Variants in UBE2L3 observed in about 807,000 individuals in gnomAD.
The protein encoded by UBE2L3 is ubiquitin conjugating enzyme E2 L3, also known as ubiquitin-conjugating enzyme E2 L3.
In UBE2L3, 1 loss-of-function variant was observed where a neutral mutation model predicts 17.8. The ratio of observed to expected loss-of-function variants is 0.06; its 90% CI spans 0.02 to 0.27. The LOEUF is 0.27. UBE2L3 is among the 10% of genes least tolerant of loss of function. The pLI is 1.00. For synonymous variants in UBE2L3, 44 were observed against 68.5 expected, an observed-to-expected ratio of 0.64 and a Z score of 1.76; for missense variants, 40 against 192.6, an observed-to-expected ratio of 0.21 and a Z score of 4.69.
intron 1 of UBE2L3, among the ~76,000 whole-genome samples, chr22:21,577,993 G>A (rs774210077): frequency 6.6e-6 from 1 of 152,226 alleles, no homozygotes; most frequent in East Asian, 1.9e-4. Flanking sequence ...GTAACTCAGA[G>A]GTTGAATAGC....
chr22:21,580,378 A>G (rs952962235), intron 1 of UBE2L3, among the ~76,000 whole-genome samples: 16 of 152,104 alleles, frequency 1.1e-4, no homozygotes, highest in Non-Finnish European at 1.5e-4. Context: ...ACTTCCTCTC[A>G]AGCCATGGCT....
At chr22:21,598,228 T>C (rs529068012) in intron 2 of UBE2L3, among the ~76,000 whole-genome samples, 9 of 152,092 alleles carry the variant, frequency 5.9e-5, no homozygotes, top group Non-Finnish European at 1.0e-4. Flanking sequence ...TTATCTCCTC[T>C]GTGCTTACTA....
At chr22:21,558,232 T>G (rs1293571578) in intron 1 of UBE2L3, among the ~76,000 whole-genome samples, 3 of 151,776 alleles carry the variant, frequency 2.0e-5, no homozygotes, top group African/African-American at 7.3e-5. Flanking sequence ...AGGAGGGGAA[T>G]GGGCTCCATC....
At chr22:21,582,063 C>T (rs1321547352) in intron 1 of UBE2L3, among the ~76,000 whole-genome samples, 3 of 149,382 alleles carry the variant, frequency 2.0e-5, no homozygotes, top group Admixed American at 6.7e-5. Flanking sequence ...GAGGTTGCAG[C>T]GAGCCAAGAT....
chr22:21,562,654 A>T (rs1436386530), intron 1 of UBE2L3, among the ~76,000 whole-genome samples: 3 of 142,086 alleles, frequency 2.1e-5, no homozygotes, highest in African/African-American at 5.2e-5. Flanking sequence ...TACAGGCGTG[A>T]GCCACCACGC....
In UBE2L3 at chr22:21,556,242, A is replaced by T. The variant is rs1323053292; in HGVS notation, c.201+6592A>T. 3.9e-5 allele frequency among the ~76,000 whole-genome samples: 6 copies of T among 152,352 alleles called. No individual in the cohort carries two copies. In the South Asian group the frequency reaches 6.2e-4, roughly 16 times the overall value. On this transcript the variant is annotated intron_variant, in intron 1 of 3. Coordinates refer to the UBE2L3 transcript ENST00000458578. Reference sequence around the variant, plus strand: ...TGACACCCTGTTTCTAAAACAAACAAAAAAAGGCCAGGCATAGTGGCGTGT... The same window carrying T: ...TGACACCCTGTTTCTAAAACAAACATAAAAAGGCCAGGCATAGTGGCGTGT...
At chr22:21,562,836 A>G (rs577214321), upstream of UBE2L3, among the ~76,000 whole-genome samples, 5 of 151,894 alleles carry the variant, frequency 3.3e-5, no homozygotes, top group African/African-American at 1.2e-4. Context: ...CCTGGGCCCA[A>G]GGCCTAATAG....
chr22:21,560,597 C>T (rs1450161002), intron 1 of UBE2L3, among the ~76,000 whole-genome samples: 1 of 150,716 alleles, frequency 6.6e-6, no homozygotes, highest in African/African-American at 2.5e-5. Flanking sequence ...ATTACAGGCG[C>T]ATGCCACCAC....
intron 1 of UBE2L3, among the ~76,000 whole-genome samples, chr22:21,552,961 G>A (rs1424553032): frequency 2.7e-5 from 1 of 36,926 alleles, no homozygotes; most frequent in East Asian, 3.4e-4. Flanking sequence ...TCCTGACCCT[G>A]TTGATCTGCC....
At chr22:21,611,769 T>C (rs532685361) in intron 3 of UBE2L3, among the ~76,000 whole-genome samples, 78 of 152,368 alleles carry the variant, frequency 5.1e-4, no homozygotes, top group Non-Finnish European at 7.6e-4. Context: ...CATTTAATTC[T>C]AGACTTTCTT....
chr22:21,586,717 A>G (rs1333286980), intron 1 of UBE2L3, among the ~76,000 whole-genome samples: 1 of 151,420 alleles, frequency 6.6e-6, no homozygotes, highest in African/African-American at 2.4e-5. Flanking sequence ...ACAGGAGTCA[A>G]CCACCATGCC....
At position 21,622,899 on chromosome 22, in the gene UBE2L3, T is replaced by A. The variant is rs1383622603; in HGVS notation, c.*1230T>A. ...GTGTTTTATATTGTTTTGACTGCCT[T>A]TTTTTGTAGAAATAAAAATTGACCT... is the stretch of plus-strand genomic sequence containing the variant. On this transcript the variant is annotated 3_prime_UTR_variant, in exon 4 of 4. Transcript: ENST00000342192. 6.5e-6 allele frequency: 1 copy of A among 152,808 alleles called. No individual in the cohort carries two copies. Among genetic ancestry groups the A allele is most frequent in the Non-Finnish European group, 1.5e-5 (1 of 68,042 alleles). 9.5% of individuals were successfully genotyped at this position (152,808 alleles called of 1,614,324 possible). A position where few individuals can be genotyped will look rare whatever the true frequency, so the allele number is the denominator to read the frequency against.
At chr22:21,593,313 T>C (rs1928358609) in intron 2 of UBE2L3, among the ~76,000 whole-genome samples, 1 of 152,218 alleles carries the variant, frequency 6.6e-6, no homozygotes, top group South Asian at 2.1e-4. Flanking sequence ...CATTCCCCTC[T>C]AGATATTTTG....
intron 2 of UBE2L3, among the ~76,000 whole-genome samples, chr22:21,599,782 A>T (rs1197599912): frequency 6.6e-6 from 1 of 151,880 alleles, no homozygotes; most frequent in Non-Finnish European, 1.5e-5. Flanking sequence ...GTCTGGTGGG[A>T]TTTTTTGTTT....
At chr22:21,617,164 GAAAA>G (rs1191796172) in intron 3 of UBE2L3, among the ~76,000 whole-genome samples, 3 of 142,736 alleles carry the variant, frequency 2.1e-5, no homozygotes, top group Non-Finnish European at 1.5e-5. Context: ...AAAAAAAAAA[GAAAA>G]GGAACAAAAG....
chr22:21,573,332 C>T (rs1345336831), intron 1 of UBE2L3, among the ~76,000 whole-genome samples: 1 of 152,060 alleles, frequency 6.6e-6, no homozygotes, highest in Non-Finnish European at 1.5e-5. Context: ...CGTTGAGTCC[C>T]CTAAAAACAG....
At chr22:21,593,563 C>T (rs991780502) in intron 2 of UBE2L3, among the ~76,000 whole-genome samples, 5 of 152,148 alleles carry the variant, frequency 3.3e-5, no homozygotes, top group African/African-American at 4.8e-5. Context: ...GCCCTCCTAA[C>T]GATGGCTTTC....
At chr22:21,595,153 A>T (rs989212389) in intron 2 of UBE2L3, among the ~76,000 whole-genome samples, 3 of 152,214 alleles carry the variant, frequency 2.0e-5, no homozygotes, top group African/African-American at 4.8e-5. Context: ...CTGGGGAGCT[A>T]TCCAGGCCAA....
chr22:21,561,704 G>A (rs1926439099), intron 1 of UBE2L3, among the ~76,000 whole-genome samples: 1 of 152,288 alleles, frequency 6.6e-6, no homozygotes, highest in Admixed American at 6.5e-5. Context: ...AGGCACCACA[G>A]GCAGAGGGAA....
Sources: gnomAD v4.1 joint callset for allele counts (sites outside exome capture counted in the v4.1 genomes callset) on GRCh38, gnomAD v4.1.1 for gene constraint, MANE v1.5 for transcripts, NCBI Gene and HGNC (gene_info 2026-07-23, HGNC 2026-07-21) for gene names.